Variants in SP8 observed in about 807,000 individuals in gnomAD.
The protein encoded by SP8 is transcription factor Sp8.
Under a neutral mutation model 15.3 loss-of-function variants are expected in SP8, and 7 were observed. The observed-to-expected ratio is 0.46, with a 90% CI of 0.26 to 0.86. The LOEUF (loss-of-function observed/expected upper bound fraction) is 0.86. Ranked by LOEUF, SP8 falls within the 40% of genes least tolerant of loss-of-function variation. The pLI is 0.16. For missense variants in SP8, 731 were observed against 736.4 expected (o/e 0.99, Z 0.09); for synonymous variants, 415 against 356.3 (o/e 1.16, Z -1.86).
Position 20,785,872 on chromosome 7 carries a change from G to A in SP8, c.22-77C>T. 1.3e-6 allele frequency: 2 copies of A among 1,497,888 alleles called. No individual in the cohort carries two copies. Among genetic ancestry groups the A allele is most frequent in the African/African-American group, 1.4e-5 (1 of 72,562 alleles). The allele number at this position is 1,497,888 out of a possible 1,614,324, so 92.8% of individuals were successfully genotyped here. On this transcript the variant is annotated intron_variant, in intron 1 of 1. Coordinates refer to ENST00000418710, the MANE Select transcript of SP8 (RefSeq NM_182700.6). This position sits in a 1 kb window ranked among gnomAD's most constrained non-coding sequence, Gnocchi z 7.2. ...GGTGGGGGAGGAAAGGAAGAAATGT[G>A]CATCAGTCCTTCGGTAGCCTCCAAA...
In SP8 at chr7:20,784,806, C is replaced by T; in HGVS notation, c.1011G>A (p.Pro337=). 1 of 1,529,746 alleles carries T rather than the reference C, an allele frequency of 6.5e-7. No homozygotes were observed. The highest frequency in any genetic ancestry group is 8.7e-7 in the Non-Finnish European group (1 of 1,144,896). The allele number at this position is 1,529,746 out of a possible 1,614,324, so 94.8% of individuals were successfully genotyped here. ...CGGAGTAGCGGCGAGCTGAGGAGCGCGGGGAGCCCCCCAGCGGCGCCGAAG... is the reference window on the plus strand; with the variant it reads ...CGGAGTAGCGGCGAGCTGAGGAGCGTGGGGAGCCCCCCAGCGGCGCCGAAG... ...AGPSAPLGGS[P]RSSARRYSGR... The change falls in exon 2 of 2, where the codon CCG becomes CCA. Residue 337 remains proline, a synonymous_variant. Coordinates refer to ENST00000418710, the MANE Select transcript of SP8 (RefSeq NM_182700.6).
chr7:20,782,639 A>C lies in SP8; in HGVS notation c.*1651T>G, dbSNP rs1274733409. The C allele has an allele frequency of 6.6e-6, 1 of 152,668 alleles. No homozygotes were observed. Among genetic ancestry groups the C allele is most frequent in the African/African-American group, 2.4e-5 (1 of 41,456 alleles). The allele number at this position is 152,668 out of a possible 1,614,324, so 9.5% of individuals were successfully genotyped here. On this transcript the variant is annotated 3_prime_UTR_variant, in exon 2 of 2. Transcript: ENST00000418710. ...CTATGCCTGAACTGCCAGCAAATGC[A>C]AATAAGTACATGCTCCATTAAATTA...
Position 20,785,916 on chromosome 7 carries a change from T to G in SP8, c.22-121A>C, listed in dbSNP as rs574739362. 2.1e-5 allele frequency: 31 copies of G among 1,458,410 alleles called. No homozygotes were observed. The highest frequency in any genetic ancestry group is 2.7e-5 in the Non-Finnish European group (30 of 1,098,228). 90.3% of individuals were successfully genotyped at this position (1,458,410 alleles called of 1,614,324 possible). A position where few individuals can be genotyped will look rare whatever the true frequency, so the allele number is the denominator to read the frequency against. On this transcript the variant is annotated intron_variant, in intron 1 of 1. Transcript: ENST00000418710. This position sits in a 1 kb window ranked among gnomAD's most constrained non-coding sequence, Gnocchi z 7.2. ...CTCCAAAGCGCCCCACTGCACCCCA[T>G]CTCTCGCTGCGGCGCGCCGCCACCA... is the stretch of plus-strand genomic sequence containing the variant.
In SP8 at chr7:20,784,314, G is replaced by C. The variant is rs1252032652; in HGVS notation, c.1503C>G (p.Pro501=). ...HSPELLQPPE[P]GHRNGLE The stretch of plus-strand genomic sequence containing the variant: ...GTCACTCTAGGCCGTTGCGGTGCCC[G>C]GGCTCGGGGGGCTGCAGCAGCTCTG... Residue 501 remains proline (P), a synonymous_variant, in exon 2 of 2, where the codon CCC becomes CCG. Transcript: ENST00000418710. 2.7e-6 allele frequency: 4 copies of C among 1,500,094 alleles called. No homozygotes were observed. The highest frequency in any genetic ancestry group is 2.7e-6 in the Non-Finnish European group (3 of 1,131,878). The allele number at this position is 1,500,094 out of a possible 1,614,324, so 92.9% of individuals were successfully genotyped here. A position where few individuals can be genotyped will look rare whatever the true frequency, so the allele number is the denominator to read the frequency against.
Position 20,785,605 on chromosome 7 carries a change from C to G in SP8, c.212G>C (p.Ser71Thr), listed in dbSNP as rs768662124. The change falls in exon 2 of 2, where the codon AGC becomes ACC. Residue 71 changes from serine to threonine, a missense_variant. Transcript: ENST00000418710. The surrounding 1 kb of genome is among the most constrained non-coding windows in gnomAD (Gnocchi z 7.2). ...CCTGGAGGCCCCGGACACGCCGAAG[C>G]TTGAGAGACTGGAACCCACTACGTT... is the stretch of plus-strand genomic sequence containing the variant. ...SCNVVGSSLSSFGVSGASRNG... is the reference protein window; with the variant it reads ...SCNVVGSSLSTFGVSGASRNG... 2 of 1,612,544 alleles carry G rather than the reference C, an allele frequency of 1.2e-6. No individual in the cohort carries two copies. Among genetic ancestry groups the G allele is most frequent in the East Asian group, 4.5e-5 (2 of 44,732 alleles).
In SP8 at chr7:20,784,453, G is replaced by A; in HGVS notation, c.1364C>T (p.Thr455Met). Reference protein sequence around the residue: ...RSDHLSKHVKTHSGGGGGGGS... With the variant: ...RSDHLSKHVKMHSGGGGGGGS... ...GCCGCCGCCGCCGCCGCCACTGTGC[G>A]TCTTCACGTGCTTGCTGAGGTGGTC... Residue 455 changes from threonine to methionine, a missense_variant, in exon 2 of 2, where the codon ACG (threonine) becomes ATG (methionine). Thr to Met is a moderately conservative substitution (Grantham distance 81). Around this residue, in one of 3 missense-constraint regions of SP8, gnomAD observed 114 missense variants for 111.9 expected, o/e 1.02. Transcript: ENST00000418710. 6.5e-7 allele frequency: 1 copy of A among 1,545,894 alleles called. No individual in the cohort carries two copies. Among genetic ancestry groups the A allele is most frequent in the Non-Finnish European group, 8.7e-7 (1 of 1,146,886 alleles).
Sources: allele counts gnomAD v4.1 joint callset, GRCh38; gene constraint gnomAD v4.1.1; regional missense constraint gnomAD v4.1.1; non-coding constraint Gnocchi (gnomAD v3.1); transcripts MANE v1.5; gene names NCBI Gene and HGNC (gene_info 2026-07-23, HGNC 2026-07-21).